LRRC37A2: variants seen among roughly 807,000 people sequenced by gnomAD.
The protein encoded by LRRC37A2 is leucine rich repeat containing 37 member A2.
In LRRC37A2, 9 loss-of-function variants were observed where a neutral mutation model predicts 68.8. That is an observed-to-expected ratio of 0.13 (90% CI 0.08 to 0.23). The LOEUF is 0.23. Ranked by LOEUF, LRRC37A2 falls within the 10% of genes least tolerant of loss-of-function variation. LRRC37A2 has a pLI of 1.00. For missense variants in LRRC37A2, 168 were observed against 950.4 expected (o/e 0.18, Z 10.82); for synonymous variants, 63 against 367.6 (o/e 0.17, Z 9.48).
the LRRC37A2 span, among the ~76,000 whole-genome samples, chr17:47,043,506 A>T: frequency 1.3e-3 from 196 of 145,200 alleles, no homozygotes; most frequent in African/African-American, 5.1e-3. Flanking sequence ...CTCAGGAAAA[A>T]AAAAAAATGT....
chr17:46,951,281 AG>A, the LRRC37A2 span, among the ~76,000 whole-genome samples: 31 of 152,302 alleles, frequency 2.0e-4, no homozygotes, highest in East Asian at 6.0e-3. Flanking sequence ...GAAGTCTGGT[AG>A]GGGTGGCACT....
chr17:46,980,856 T>G, the LRRC37A2 span, among the ~76,000 whole-genome samples: 55 of 151,016 alleles, frequency 3.6e-4, no homozygotes, highest in Non-Finnish European at 6.2e-4. Flanking sequence ...TAAAATAAAA[T>G]AAAAAAAGAA....
At chr17:47,021,818 T>A in the LRRC37A2 span, 1 of 1,348,566 alleles carries the variant, frequency 7.4e-7, no homozygotes, top group African/African-American at 1.4e-5. Flanking sequence ...TTTTCCTACC[T>A]ATTCAAGGAT....
At chr17:46,990,063 C>T in the LRRC37A2 span, among the ~76,000 whole-genome samples, 1 of 152,208 alleles carries the variant, frequency 6.6e-6, no homozygotes, top group African/African-American at 2.4e-5. Flanking sequence ...GAAATCTTCC[C>T]TGAGAATTTC....
chr17:46,920,646 T>C, the LRRC37A2 span, among the ~76,000 whole-genome samples: 3 of 152,178 alleles, frequency 2.0e-5, no homozygotes, highest in East Asian at 1.9e-4. Flanking sequence ...CCAGCTCAAA[T>C]GCCACCCCTT....
the LRRC37A2 span, among the ~76,000 whole-genome samples, chr17:46,760,095 A>G: frequency 1.3e-5 from 2 of 152,094 alleles, no homozygotes; most frequent in African/African-American, 4.8e-5. Context: ...GCAAGACCCC[A>G]TCTCTACAAA....
the LRRC37A2 span, among the ~76,000 whole-genome samples, chr17:46,738,326 T>C: frequency 2.3e-3 from 355 of 152,330 alleles, no homozygotes; most frequent in Non-Finnish European, 2.6e-3. Flanking sequence ...ATAGTTTCAC[T>C]GGAGGGAAGA....
At chr17:46,489,625 A>C in the LRRC37A2 span, among the ~76,000 whole-genome samples, 2 of 147,770 alleles carry the variant, frequency 1.4e-5, no homozygotes, top group Non-Finnish European at 3.0e-5. Flanking sequence ...AGCTGGGATT[A>C]CAGTCACATG....
At chr17:46,816,153 A>G in the LRRC37A2 span, among the ~76,000 whole-genome samples, 5 of 151,070 alleles carry the variant, frequency 3.3e-5, no homozygotes, top group African/African-American at 7.3e-5. Context: ...ACGCACGCAC[A>G]CACACACTCA....
chr17:46,922,261 C>G, the LRRC37A2 span, among the ~76,000 whole-genome samples: 2 of 152,008 alleles, frequency 1.3e-5, no homozygotes, highest in Admixed American at 6.5e-5. Flanking sequence ...CATGTTCTCA[C>G]TCATAGGTGG....
chr17:46,649,573 T>C, the LRRC37A2 span, among the ~76,000 whole-genome samples: 4 of 150,658 alleles, frequency 2.7e-5, no homozygotes, highest in Non-Finnish European at 5.9e-5. Flanking sequence ...CATACGTAAG[T>C]TGGTGATTAT....
At chr17:46,710,096 C>A in the LRRC37A2 span, among the ~76,000 whole-genome samples, 4 of 152,122 alleles carry the variant, frequency 2.6e-5, no homozygotes, top group Non-Finnish European at 4.4e-5. Flanking sequence ...ATCAGGTAAT[C>A]AAAAGTTGAA....
chr17:46,825,392 C>T, the LRRC37A2 span, among the ~76,000 whole-genome samples: 15 of 152,370 alleles, frequency 9.8e-5, no homozygotes, highest in East Asian at 3.9e-4. Context: ...CCCCACCTTC[C>T]GCCTGGGCTC....
At chr17:46,770,108 C>A in the LRRC37A2 span, 1 of 1,487,910 alleles carries the variant, frequency 6.7e-7, no homozygotes, top group Non-Finnish European at 8.9e-7. Flanking sequence ...CCTGCCCTGC[C>A]TCCACCTCCC....
At chr17:46,774,154 G>T in the LRRC37A2 span, among the ~76,000 whole-genome samples, 1 of 152,272 alleles carries the variant, frequency 6.6e-6, no homozygotes, top group Non-Finnish European at 1.5e-5. Flanking sequence ...GAAGCCGCTT[G>T]TGGGGGCCCT....
chr17:46,938,111 C>T, the LRRC37A2 span: 2 of 204,158 alleles, frequency 9.8e-6, no homozygotes, highest in Non-Finnish European at 2.0e-5. Context: ...AATCCTCCCA[C>T]CCACCCCTCC....
At chr17:46,763,919 T>C in the LRRC37A2 span, 1 of 151,466 alleles carries the variant, frequency 6.6e-6, no homozygotes, top group Non-Finnish European at 1.5e-5. Context: ...GAGATCTGAC[T>C]GCCCCTCGTG....
At chr17:46,948,080 T>C in the LRRC37A2 span, among the ~76,000 whole-genome samples, 1 of 152,194 alleles carries the variant, frequency 6.6e-6, no homozygotes, top group African/African-American at 2.4e-5. Context: ...CTAGAAGTGA[T>C]TTTTGTCAGG....
the LRRC37A2 span, among the ~76,000 whole-genome samples, chr17:47,043,534 C>A: frequency 1.3e-5 from 2 of 151,292 alleles, no homozygotes; most frequent in Non-Finnish European, 3.0e-5. Context: ...GCCCTCAAAG[C>A]GCTCATAGTC....
Sources: gnomAD v4.1 joint callset for allele counts (sites outside exome capture counted in the v4.1 genomes callset) on GRCh38, gnomAD v4.1.1 for gene constraint, MANE v1.5 for transcripts, NCBI Gene and HGNC (gene_info 2026-07-23, HGNC 2026-07-21) for gene names.